UBE3B: variants seen among roughly 807,000 people sequenced by gnomAD.
The protein encoded by UBE3B is ubiquitin-protein ligase E3B.
A neutral mutation model predicts 132.3 loss-of-function variants in UBE3B; 80 were observed. The observed-to-expected ratio is 0.60, with a 90% CI of 0.50 to 0.73. UBE3B has a LOEUF of 0.73. UBE3B is among the 30% of genes least tolerant of loss of function. UBE3B has a pLI of 0.00. For missense variants in UBE3B, 1,196 were observed against 1,362.5 expected (o/e 0.88, Z 1.92); for synonymous variants, 487 against 520.4 (o/e 0.94, Z 0.87).
chr12:109,543,151 C>T, the UBE3B span, among the ~76,000 whole-genome samples: 1 of 152,230 alleles, frequency 6.6e-6, no homozygotes. Context: ...AAATCTGAAA[C>T]ACCACTGTTC....
intron 15 of UBE3B, among the ~76,000 whole-genome samples, 175 bp downstream of exon 15, chr12:109,507,910 A>G (rs1879891513): frequency 6.6e-6 from 1 of 152,206 alleles, no homozygotes; most frequent in African/African-American, 2.4e-5. Context: ...AATGTTCAGC[A>G]GTTGTTAGGG....
At chr12:109,491,150 G>A (rs1461060286) in intron 9 of UBE3B, 23 bp downstream of exon 9, 1 of 1,609,928 alleles carries the variant, frequency 6.2e-7, no homozygotes, top group Admixed American at 1.7e-5. Context: ...CCATAGCTGA[G>A]GTGTTGGCAT....
rs942377000 is a variant in UBE3B at position 109,496,168 on chromosome 12, T to C, written c.714-1650T>C. Among the ~76,000 whole-genome samples the C allele has an allele frequency of 3.3e-5, 5 of 152,368 alleles. No homozygotes were observed. The East Asian group carries it at 5.8e-4, about 18-fold the overall frequency. On this transcript the variant is annotated intron_variant, in intron 9 of 27. Transcript: ENST00000342494. ...CTCACATAAATGGAATCACATCATA[T>C]GTGGTCTTTTGCTACTGGCTTTTTT...
intron 27 of UBE3B, 148 bp downstream of exon 27, chr12:109,533,706 T>TTCTCACGGCAGGTTC: frequency 1.1e-6 from 1 of 889,988 alleles, no homozygotes; most frequent in Non-Finnish European, 1.8e-6. Flanking sequence ...GGCCCCACAG[T>TTCTCACGGCAGGTTC]TCTCACGGCA....
chr12:109,540,047 C>T (rs1289836686), downstream of UBE3B, among the ~76,000 whole-genome samples: 2 of 151,832 alleles, frequency 1.3e-5, no homozygotes, highest in African/African-American at 2.4e-5. Context: ...AGAGAAACCT[C>T]TCTGAAGATG....
rs747207308 is a variant in UBE3B at position 109,501,425 on chromosome 12, G to A, written c.1173G>A (p.Val391=). Residue 391 remains valine (V), a synonymous_variant, in exon 13 of 28, where the codon GTG becomes GTA. Coordinates refer to ENST00000342494, the MANE Select transcript of UBE3B (RefSeq NM_130466.4). Reference sequence around the variant, plus strand: ...AACAGCTGCAGTTCTTGTGGGGGGTGCCTCTGATCCGGATCTTCTTCTGTG... The same window carrying A: ...AACAGCTGCAGTTCTTGTGGGGGGTACCTCTGATCCGGATCTTCTTCTGTG... ...ITKQLQFLWG[V]PLIRIFFCDI... is the part of the protein sequence containing the mutation. 6.2e-7 allele frequency: 1 copy of A among 1,614,042 alleles called. No homozygotes were observed. The highest frequency in any genetic ancestry group is 8.5e-7 in the Non-Finnish European group (1 of 1,180,026).
In UBE3B at chr12:109,522,350, CAAGGT is replaced by C. The variant is rs1881815869; in HGVS notation, c.2364+800_2364+804del. Among the ~76,000 whole-genome samples the C allele has an allele frequency of 6.6e-6, 1 of 152,148 alleles. No homozygotes were observed. The highest frequency in any genetic ancestry group is 1.5e-5 in the Non-Finnish European group (1 of 68,026). ...CATTGAAACCCCGTCCATTGAAAGC[CAAGGT>C]GGGACCACCTTCAGTGGGAAGTCAC... On this transcript the variant is annotated intron_variant, in intron 21 of 27. Coordinates refer to ENST00000342494, the MANE Select transcript of UBE3B (RefSeq NM_130466.4). This position sits in a 1 kb window ranked among gnomAD's most constrained non-coding sequence, Gnocchi z 4.2.
chr12:109,486,580 C>CAAAAAAAA lies in UBE3B; in HGVS notation c.447+21_447+28dup, dbSNP rs201336062. The CAAAAAAAA allele has an allele frequency of 2.9e-4, 164 of 562,688 alleles. No individual in the cohort carries two copies. The highest frequency in any genetic ancestry group is 7.2e-4 in the Admixed American group (15 of 20,860). 34.9% of individuals were successfully genotyped at this position (562,688 alleles called of 1,614,324 possible). A position where few individuals can be genotyped will look rare whatever the true frequency, so the allele number is the denominator to read the frequency against. Reference sequence around the variant, plus strand: ...GATTTTCTCAAGCAGCTCAAGGTAACAAAAAAAAAAAAAAAAAAAAAAAGC... The same window carrying CAAAAAAAA: ...GATTTTCTCAAGCAGCTCAAGGTAACAAAAAAAAAAAAAAAAAAAAAAAAAAAAAAAGC... On this transcript the variant is annotated splice_donor_region_variant and intron_variant, in intron 6 of 27. Coordinates refer to ENST00000342494, the MANE Select transcript of UBE3B (RefSeq NM_130466.4).
chr12:109,512,125 G>T (rs1880442972), intron 18 of UBE3B, among the ~76,000 whole-genome samples: 1 of 152,148 alleles, frequency 6.6e-6, no homozygotes, highest in African/African-American at 2.4e-5. Flanking sequence ...ATTGGAAAGG[G>T]GGTCTGGCAT....
Position 109,501,390 on chromosome 12 carries a change from T to C in UBE3B, c.1138T>C (p.Leu380=). Residue 380 remains leucine, a synonymous_variant, in exon 13 of 28, where the codon TTG becomes CTG. Coordinates refer to ENST00000342494, the MANE Select transcript of UBE3B (RefSeq NM_130466.4). ...TCCTAGCCTTAACGAGTCAATGCAC[T>C]TGATCACCAAACAGCTGCAGTTCTT... The part of the protein sequence containing the change: ...VDYGLNESMH[L]ITKQLQFLWG... The C allele has an allele frequency of 6.2e-7, 1 of 1,614,192 alleles. No homozygotes were observed. Among genetic ancestry groups the C allele is most frequent in the Non-Finnish European group, 8.5e-7 (1 of 1,180,038 alleles).
chr12:109,487,712 A>T (rs1027333009), intron 6 of UBE3B, among the ~76,000 whole-genome samples: 4 of 152,228 alleles, frequency 2.6e-5, no homozygotes, highest in Non-Finnish European at 5.9e-5. Flanking sequence ...AAACAAAAAA[A>T]GTTTATGCAA....
chr12:109,520,123 A>G (rs1194536900), intron 19 of UBE3B: 1 of 152,282 alleles, frequency 6.6e-6, no homozygotes, highest in Non-Finnish European at 1.5e-5. Context: ...TTCATAGGAC[A>G]GCAGGGTTGA....
chr12:109,490,667 C>T, intron 8 of UBE3B: 3 of 1,498,158 alleles, frequency 2.0e-6, no homozygotes, highest in Non-Finnish European at 2.7e-6. Context: ...TTAAGTCTGG[C>T]ATTATTTGTA....
rs1328902766 is a variant in UBE3B, at chr12:109,535,132, C to T, written c.*350C>T. 2 of 194,816 alleles carry T rather than the reference C, an allele frequency of 1.0e-5. No individual in the cohort carries two copies. Among genetic ancestry groups the T allele is most frequent in the Non-Finnish European group, 2.1e-5 (2 of 96,900 alleles). 12.1% of individuals were successfully genotyped at this position (194,816 alleles called of 1,614,324 possible). On this transcript the variant is annotated 3_prime_UTR_variant, in exon 28 of 28. Coordinates refer to ENST00000342494, the MANE Select transcript of UBE3B (RefSeq NM_130466.4). Reference sequence around the variant, plus strand: ...CTGAGTGAGCTGTGTATGAACAAGTCCCAGGAGTTCCAAGAGTCTAGAGTG... The same window carrying T: ...CTGAGTGAGCTGTGTATGAACAAGTTCCAGGAGTTCCAAGAGTCTAGAGTG...
In UBE3B at chr12:109,528,704, A is replaced by C. The variant is rs143362590; in HGVS notation, c.2628-1186A>C. Among the ~76,000 whole-genome samples, 150 of 152,210 alleles carry C rather than the reference A, an allele frequency of 9.9e-4. 1 individual carries two copies. Among genetic ancestry groups the C allele is most frequent in the African/African-American group, 3.5e-3 (144 of 41,520 alleles). ...CTCCGTCTCTACTAAAAATACAAAA[A>C]TTAGCTGGACATGGTGGCAGGCGCT... On this transcript the variant is annotated intron_variant, in intron 24 of 27. Transcript: ENST00000342494.
intron 21 of UBE3B, among the ~76,000 whole-genome samples, chr12:109,523,318 A>G (rs1881932537): frequency 6.6e-6 from 1 of 152,084 alleles, no homozygotes; most frequent in Non-Finnish European, 1.5e-5. Context: ...TCGCCAGCCC[A>G]TTCCCCACAT....
intron 18 of UBE3B, among the ~76,000 whole-genome samples, chr12:109,514,086 C>A (rs73414033): frequency 0.023 from 3,495 of 152,308 alleles, 122 homozygotes; most frequent in African/African-American, 0.079. Flanking sequence ...GTTAAAGCCT[C>A]AGCTCTGCCT....
At chr12:109,480,650 TAA>T (rs35317381) in intron 1 of UBE3B, among the ~76,000 whole-genome samples, 26,712 of 142,346 alleles carry the variant, frequency 0.19, 2,555 homozygotes, top group Middle Eastern at 0.27. Context: ...GACCCTGCCT[TAA>T]AAAAAAAAAA....
rs147402736 is a variant in UBE3B at position 109,483,610 on chromosome 12, G to A, written c.59G>A (p.Arg20Gln). ...AWFIDRARQA[R>Q]EERLVQKERE... Reference sequence around the variant, plus strand: ...TTCATCGATAGAGCCCGTCAGGCACGAGAAGAAAGGCTTGTGCAGAAGGAA... The same window carrying A: ...TTCATCGATAGAGCCCGTCAGGCACAAGAAGAAAGGCTTGTGCAGAAGGAA... Residue 20 changes from arginine (R) to glutamine (Q), a missense_variant, in exon 3 of 28, where the codon CGA becomes CAA. Arg to Gln is a conservative substitution (Grantham distance 43). Transcript: ENST00000342494. 22 of 1,612,460 alleles carry A rather than the reference G, an allele frequency of 1.4e-5. No homozygotes were observed. In the African/African-American group the frequency reaches 1.9e-4, roughly 14 times the overall value.
Sources: gnomAD v4.1 joint callset for allele counts (sites outside exome capture counted in the v4.1 genomes callset) on GRCh38, gnomAD v4.1.1 for gene constraint, Gnocchi (gnomAD v3.1) non-coding constraint, MANE v1.5 for transcripts, NCBI Gene and HGNC (gene_info 2026-07-23, HGNC 2026-07-21) for gene names.